The following TAF1D variants were observed in gnomAD, a reference collection of about 807,000 sequenced individuals.
TAF1D encodes the protein TATA-box binding protein associated factor, RNA polymerase I subunit D.
TAF1D carries 23 observed loss-of-function variants against 26.2 expected under a neutral mutation model. That is an observed-to-expected ratio of 0.88 (90% CI 0.63 to 1.25). The LOEUF is 1.25. Among genes scored for constraint, TAF1D ranks in the 50% most tolerant of loss-of-function variants. TAF1D has a pLI of 0.00. For missense variants in TAF1D, 299 were observed against 322.0 expected, an observed-to-expected ratio of 0.93 and a Z score of 0.55; for synonymous variants, 100 against 105.6, an observed-to-expected ratio of 0.95 and a Z score of 0.33.
rs1270740075 is a variant in TAF1D at position 93,736,247 on chromosome 11, CTTCT to C, written c.747_750del (p.Glu250LysfsTer26). Reference sequence around the variant, plus strand: ...GCAGCTTCTTCAGTAATATCCTCTTCTTCTAAGTATACACTCAGTCTTACAGGGA... The same window carrying C: ...GCAGCTTCTTCAGTAATATCCTCTTCAAGTATACACTCAGTCTTACAGGGA... On this transcript the variant is annotated frameshift_variant, in exon 6 of 6. Coordinates refer to ENST00000448108, the MANE Select transcript of TAF1D (RefSeq NM_024116.4). LOFTEE classifies it low-confidence loss of function (END_TRUNC). 1.2e-6 allele frequency: 2 copies of C among 1,613,330 alleles called. No homozygotes were observed. The highest frequency in any genetic ancestry group is 1.3e-5 in the African/African-American group (1 of 75,002).
At chr11:93,736,547 T>G (rs1051848624) in intron 5 of TAF1D, 147 bp downstream of exon 5, 11 of 1,420,444 alleles carry the variant, frequency 7.7e-6, no homozygotes, top group Non-Finnish European at 1.0e-5. Flanking sequence ...TCTAAAAAAT[T>G]ATTTTCCTTC....
At chr11:93,739,977 A>AAG (rs1565245829) in intron 1 of TAF1D, among the ~76,000 whole-genome samples, 1 of 150,760 alleles carries the variant, frequency 6.6e-6, no homozygotes, top group African/African-American at 2.4e-5. Flanking sequence ...AAAAAAAAAA[A>AAG]AAAAAGAAAA....
chr11:93,738,552 C>G, intron 2 of TAF1D, 53 bp from the exon 3 acceptor site: 1 of 1,467,766 alleles, frequency 6.8e-7, no homozygotes, highest in Non-Finnish European at 9.1e-7. Flanking sequence ...CTGCTTATTA[C>G]CATTAATACC....
At chr11:93,735,342 A>G (rs1940527903), downstream of TAF1D, 1 of 1,151,476 alleles carries the variant, frequency 8.7e-7, no homozygotes. Flanking sequence ...TGTTGAATAA[A>G]TGTGTATGCC....
chr11:93,732,197 A>G, downstream of TAF1D: 1 of 499,140 alleles, frequency 2.0e-6, no homozygotes, highest in Non-Finnish European at 4.0e-6. Context: ...TGGCAGTGCT[A>G]CTGATAGAGG....
chr11:93,736,903 G>A (rs756480787), intron 4 of TAF1D, 152 bp from the exon 5 acceptor site: 35 of 1,090,412 alleles, frequency 3.2e-5, no homozygotes, highest in Middle Eastern at 2.9e-4. Context: ...CTAGATGAAC[G>A]GTGTGCCAAG....
At chr11:93,735,532 G>A (rs1311127110), downstream of TAF1D, 4 of 436,414 alleles carry the variant, frequency 9.2e-6, no homozygotes, top group Non-Finnish European at 1.2e-5. Context: ...CTAGCTGGGT[G>A]TGCTGGCTAA....
chr11:93,737,038 A>G (rs778154368), intron 4 of TAF1D, 26 bp downstream of exon 4: 3 of 1,542,420 alleles, frequency 1.9e-6, no homozygotes, highest in Admixed American at 2.2e-5. Context: ...ACCTATTACC[A>G]AAGTATTTCA....
rs1941334312 is a variant in TAF1D, at chr11:93,739,274, G to A, written c.31C>T (p.His11Tyr). MDKSGIDSLD[H>Y]VTSDAVELAN... The stretch of plus-strand genomic sequence containing the variant: ...AGTTCCACAGCATCAGATGTCACAT[G>A]GTCAAGAGAATCTATTCCTGATTTA... The change falls in exon 2 of 6, where the codon CAT (histidine) becomes TAT (tyrosine). Residue 11 changes from histidine (H) to tyrosine (Y), a missense_variant. Transcript: ENST00000448108. 2 of 1,612,674 alleles carry A rather than the reference G, an allele frequency of 1.2e-6. No homozygotes were observed. Among genetic ancestry groups the A allele is most frequent in the Admixed American group, 1.7e-5 (1 of 59,660 alleles).
Position 93,738,157 on chromosome 11 carries a change from T to A in TAF1D, c.411A>T (p.Glu137Asp). 6.4e-7 allele frequency: 1 copy of A among 1,568,774 alleles called. No homozygotes were observed. The highest frequency in any genetic ancestry group is 8.6e-7 in the Non-Finnish European group (1 of 1,167,722). ...AAGGTGCGTTTTTTTCATTCTCTGA[T>A]TCTAAAAATGGGAAGCCAGATCCTC... ...RSRGSGFPFL[E>D]SENEKNAPWR... is the part of the protein sequence containing the mutation. The change falls in exon 3 of 6, where the codon GAA becomes GAT. Residue 137 changes from glutamate (E) to aspartate (D), a missense_variant. Glu to Asp is a conservative substitution (Grantham distance 45). Transcript: ENST00000448108.
intron 2 of TAF1D, 116 bp from the exon 3 acceptor site, chr11:93,738,615 T>C (rs1222310910): frequency 2.7e-6 from 3 of 1,107,282 alleles, no homozygotes; most frequent in Non-Finnish European, 3.7e-6. Context: ...ATGCCCAGAA[T>C]TAAAAATTTT....
chr11:93,736,745 C>T lies in TAF1D; in HGVS notation c.642G>A (p.Glu214=), dbSNP rs758463258. 23 of 1,610,464 alleles carry T rather than the reference C, an allele frequency of 1.4e-5. No individual in the cohort carries two copies. The East Asian group carries it at 4.7e-4, about 33-fold the overall frequency. The change falls in exon 5 of 6, where the codon GAG becomes GAA. Residue 214 remains glutamate, a synonymous_variant. Coordinates refer to ENST00000448108, the MANE Select transcript of TAF1D (RefSeq NM_024116.4). The part of the protein sequence containing the change: ...SISPIEESTA[E]DEDATHLEDN... ...CTTCAAGATGTGTTGCATCCTCATC[C>T]TCTGCTCTGTAATATTAAAATTTAT...
Position 93,738,280 on chromosome 11 carries a change from CTTT to C in TAF1D, c.285_287del (p.Lys96del). 6.2e-7 allele frequency: 1 copy of C among 1,611,098 alleles called. No homozygotes were observed. Among genetic ancestry groups the C allele is most frequent in the Non-Finnish European group, 8.5e-7 (1 of 1,179,364 alleles). On this transcript the variant is annotated inframe_deletion, in exon 3 of 6. Transcript: ENST00000448108. ...GTCTTCCTGTTGGCTGGTACCTCCTCTTTTTCTTTTTTTTATATCTCTTTTTCC... is the reference window on the plus strand; with the variant it reads ...GTCTTCCTGTTGGCTGGTACCTCCTCTTCTTTTTTTTATATCTCTTTTTCC...
At chr11:93,730,203 G>A in exon 12 of TAF1D, 1 of 1,551,304 alleles carries the variant, frequency 6.4e-7, no homozygotes, top group Non-Finnish European at 8.7e-7. Flanking sequence ...GTACACAACT[G>A]AAACTCAAAT....
At chr11:93,732,414 C>T (rs748186070), downstream of TAF1D, 17 of 518,898 alleles carry the variant, frequency 3.3e-5, no homozygotes, top group Non-Finnish European at 6.5e-5. Flanking sequence ...AGAAAACCAA[C>T]GATGCCAGAT....
At chr11:93,740,834 C>G (rs1941841815) in intron 1 of TAF1D, among the ~76,000 whole-genome samples, 1 of 152,116 alleles carries the variant, frequency 6.6e-6, no homozygotes, top group Non-Finnish European at 1.5e-5. Context: ...AAAGCTAGCT[C>G]AATAATCACT....
chr11:93,731,235 T>C, downstream of TAF1D: 2 of 378,762 alleles, frequency 5.3e-6, no homozygotes, highest in African/African-American at 2.1e-5. Flanking sequence ...AAATGTGTAT[T>C]TCAAATTTAT....
chr11:93,731,171 C>A, downstream of TAF1D: 1 of 463,298 alleles, frequency 2.2e-6, no homozygotes, highest in Non-Finnish European at 4.2e-6. Flanking sequence ...TGGCTTCTGT[C>A]ATCTCGTTTT....
At chr11:93,730,546 C>T (rs765086275) in exon 12 of TAF1D, 1 of 647,390 alleles carries the variant, frequency 1.5e-6, no homozygotes, top group Non-Finnish European at 2.9e-6. Context: ...TAGCACCAAA[C>T]ATTAGGAGTG....
Sources: gnomAD v4.1 joint callset for allele counts (sites outside exome capture counted in the v4.1 genomes callset) on GRCh38, gnomAD v4.1.1 for gene constraint, MANE v1.5 for transcripts, NCBI Gene and HGNC (gene_info 2026-07-23, HGNC 2026-07-21) for gene names.